The following KCNIP4 variants were observed in gnomAD, a reference collection of about 807,000 sequenced individuals.
KCNIP4 encodes the protein Kv channel-interacting protein 4.
A neutral mutation model predicts 34.0 loss-of-function variants in KCNIP4; 12 were observed. The ratio of observed to expected loss-of-function variants is 0.35; its 90% CI spans 0.23 to 0.57. The LOEUF (loss-of-function observed/expected upper bound fraction) is 0.57, where lower values mean the gene tolerates loss of function less well. KCNIP4 is among the 20% of genes least tolerant of loss of function. KCNIP4 has a pLI of 0.83. For missense variants in KCNIP4, 238 were observed against 311.7 expected, an observed-to-expected ratio of 0.76 and a Z score of 1.78; for synonymous variants, 124 against 102.2, an observed-to-expected ratio of 1.21 and a Z score of -1.29.
chr4:21,127,231 C>G (rs1197895756), intron 1 of KCNIP4, among the ~76,000 whole-genome samples: 3 of 152,186 alleles, frequency 2.0e-5, no homozygotes, highest in Non-Finnish European at 4.4e-5. Context: ...TTCTGCATCC[C>G]ATTACCAGAG....
chr4:20,876,425 A>C (rs1369817242), intron 2 of KCNIP4, among the ~76,000 whole-genome samples: 2 of 152,220 alleles, frequency 1.3e-5, no homozygotes, highest in African/African-American at 2.4e-5. Flanking sequence ...TTGTGCTTAC[A>C]TAAAGTATAG....
At chr4:21,446,461 T>G (rs1453091282) in intron 1 of KCNIP4, among the ~76,000 whole-genome samples, 4 of 152,006 alleles carry the variant, frequency 2.6e-5, no homozygotes, top group Non-Finnish European at 5.9e-5. Context: ...AGGAATGAGT[T>G]CATGTCCTTT....
At chr4:21,760,086 G>A (rs1279979537) in intron 1 of KCNIP4, among the ~76,000 whole-genome samples, 1 of 152,004 alleles carries the variant, frequency 6.6e-6, no homozygotes, top group Non-Finnish European at 1.5e-5. Context: ...ATATAAATAT[G>A]AACAATGATG....
chr4:21,878,888 A>G (rs892338847), intron 1 of KCNIP4, among the ~76,000 whole-genome samples: 9 of 152,176 alleles, frequency 5.9e-5, no homozygotes, highest in African/African-American at 1.7e-4. Context: ...AGTACTACTT[A>G]GTGTCTCCTT....
chr4:21,429,448 A>C (rs61672434), intron 1 of KCNIP4, among the ~76,000 whole-genome samples: 3,313 of 150,706 alleles, frequency 0.022, 124 homozygotes, highest in African/African-American at 0.077. Context: ...ATACACACTC[A>C]CTAGTAGGTT....
intron 1 of KCNIP4, among the ~76,000 whole-genome samples, chr4:21,022,043 A>C (rs919035589): frequency 6.6e-6 from 1 of 152,132 alleles, no homozygotes; most frequent in African/African-American, 2.4e-5. Context: ...AAAAACACTG[A>C]GTTATGATGT....
At chr4:21,578,591 G>T (rs1041810319) in intron 1 of KCNIP4, among the ~76,000 whole-genome samples, 5 of 152,036 alleles carry the variant, frequency 3.3e-5, no homozygotes, top group Non-Finnish European at 5.9e-5. Context: ...CTACTCAGTG[G>T]ATGAATGACC....
At position 21,073,014 on chromosome 4, in the gene KCNIP4, T is replaced by C. The variant is rs549809222; in HGVS notation, c.62-190305A>G. 5.9e-5 allele frequency among the ~76,000 whole-genome samples: 9 copies of C among 152,308 alleles called. No individual in the cohort carries two copies. The East Asian group carries it at 1.7e-3, about 29-fold the overall frequency. On this transcript the variant is annotated intron_variant, in intron 1 of 8. Coordinates refer to ENST00000382152, the MANE Select transcript of KCNIP4 (RefSeq NM_025221.6). ...TGTTCCATTGGTCTATATCTCTGTTTTGGTACAAGTGCCATGCTGTTTTAG... is the reference window on the plus strand; with the variant it reads ...TGTTCCATTGGTCTATATCTCTGTTCTGGTACAAGTGCCATGCTGTTTTAG...
intron 1 of KCNIP4, among the ~76,000 whole-genome samples, chr4:21,533,525 A>C (rs570545608): frequency 6.6e-6 from 1 of 152,260 alleles, no homozygotes; most frequent in South Asian, 2.1e-4. Context: ...TTCCAACACA[A>C]ATTAAATAAG....
rs1015849747 is a variant in KCNIP4 at position 20,893,424 on chromosome 4, T to G, written c.62-10715A>C. On this transcript the variant is annotated intron_variant, in intron 1 of 8. Transcript: ENST00000382152. ...AGTAACAACATCACTGAGCCTCTGT[T>G]TTTTTTTGTTTGTTTTGAGACATAA... 2.0e-5 allele frequency among the ~76,000 whole-genome samples: 3 copies of G among 152,060 alleles called. No individual in the cohort carries two copies. The East Asian group carries it at 5.8e-4, about 29-fold the overall frequency.
intron 1 of KCNIP4, among the ~76,000 whole-genome samples, chr4:21,920,873 C>CTTTTTTTTTTTTTTTTTTT (rs1728899285): frequency 1.3e-5 from 2 of 151,624 alleles, no homozygotes; most frequent in African/African-American, 4.9e-5. Flanking sequence ...TGTACATTTT[C>CTTTTTTTTTTTTTTTTTTT]TTTGTTTGCT....
At chr4:21,731,019 T>C (rs1432358418) in intron 1 of KCNIP4, among the ~76,000 whole-genome samples, 1 of 151,380 alleles carries the variant, frequency 6.6e-6, no homozygotes, top group African/African-American at 2.4e-5. Flanking sequence ...GAGGCTAAGG[T>C]TGGAGTATCA....
At chr4:21,929,464 A>T (rs760476979) in intron 1 of KCNIP4, among the ~76,000 whole-genome samples, 15 of 152,270 alleles carry the variant, frequency 9.9e-5, no homozygotes, top group Middle Eastern at 6.8e-3. Flanking sequence ...TCATGTGTCT[A>T]TATGGCATAT....
chr4:21,032,465 A>T (rs188623614), intron 1 of KCNIP4, among the ~76,000 whole-genome samples: 3 of 152,288 alleles, frequency 2.0e-5, no homozygotes, highest in Non-Finnish European at 4.4e-5. Flanking sequence ...TTCAAAGAAC[A>T]TATGACTCAG....
chr4:20,978,900 A>C (rs1735749265), intron 1 of KCNIP4, among the ~76,000 whole-genome samples: 1 of 152,184 alleles, frequency 6.6e-6, no homozygotes, highest in African/African-American at 2.4e-5. Flanking sequence ...CCTGTAGACA[A>C]TCAATAAATA....
intron 1 of KCNIP4, among the ~76,000 whole-genome samples, chr4:21,494,835 T>G (rs898216483): frequency 2.0e-5 from 3 of 151,970 alleles, no homozygotes; most frequent in Non-Finnish European, 4.4e-5. Flanking sequence ...TGTTATAGAT[T>G]TATTTGAAAA....
intron 2 of KCNIP4, among the ~76,000 whole-genome samples, chr4:20,873,192 G>A (rs116352580): frequency 0.01 from 1,591 of 152,230 alleles, 27 homozygotes; most frequent in African/African-American, 0.037. Flanking sequence ...AAGACACTAA[G>A]CTTTGGTATT....
At chr4:21,739,173 C>T (rs1045385800) in intron 1 of KCNIP4, among the ~76,000 whole-genome samples, 8 of 151,946 alleles carry the variant, frequency 5.3e-5, no homozygotes, top group African/African-American at 1.2e-4. Flanking sequence ...ATTGAATCTC[C>T]GAATTTGTTT....
intron 1 of KCNIP4, among the ~76,000 whole-genome samples, chr4:21,265,763 A>T (rs940967136): frequency 3.3e-5 from 5 of 152,224 alleles, no homozygotes; most frequent in Non-Finnish European, 2.9e-5. Flanking sequence ...GGGTGGAAGG[A>T]CACTTAAACA....
Sources: allele counts gnomAD v4.1 joint callset (sites outside exome capture counted in the v4.1 genomes callset), GRCh38; gene constraint gnomAD v4.1.1; transcripts MANE v1.5; gene names NCBI Gene and HGNC (gene_info 2026-07-23, HGNC 2026-07-21).